The following C9orf85 variants were observed in gnomAD, a reference collection of about 807,000 sequenced individuals.
C9orf85 encodes the protein uncharacterized protein C9orf85.
A neutral mutation model predicts 14.9 loss-of-function variants in C9orf85; 16 were observed. The observed-to-expected ratio is 1.08, with a 90% CI of 0.73 to 1.63. C9orf85 has a LOEUF of 1.63. Ranked by LOEUF, C9orf85 falls within the 40% of genes most tolerant of loss-of-function variation. C9orf85 has a pLI of 0.00. For missense variants in C9orf85, 172 were observed against 186.1 expected (o/e 0.92, Z 0.44); for synonymous variants, 45 against 56.8 (o/e 0.79, Z 0.93).
chr9:71,964,664 ACACT>A (rs1483581495), intron 2 of C9orf85, among the ~76,000 whole-genome samples: 5 of 152,206 alleles, frequency 3.3e-5, no homozygotes, highest in African/African-American at 9.6e-5. Context: ...AAGAACTGTA[ACACT>A]CACCGCGAGG....
intron 1 of C9orf85, among the ~76,000 whole-genome samples, chr9:71,913,098 G>C (rs116333110): frequency 6.6e-6 from 1 of 152,102 alleles, no homozygotes; most frequent in Non-Finnish European, 1.5e-5. Flanking sequence ...GCCTTACTTT[G>C]GTCTCAAATG....
intron 1 of C9orf85, among the ~76,000 whole-genome samples, chr9:71,941,151 A>T (rs889430275): frequency 6.6e-6 from 1 of 152,216 alleles, no homozygotes; most frequent in African/African-American, 2.4e-5. Context: ...GATCTTTTTT[A>T]AAAAATTAAT....
intron 2 of C9orf85, among the ~76,000 whole-genome samples, chr9:71,947,739 G>A (rs1388373741): frequency 6.6e-6 from 1 of 152,006 alleles, no homozygotes; most frequent in African/African-American, 2.4e-5. Context: ...TGCCTCCCAG[G>A]TTTAAGCGAT....
chr9:71,950,165 T>C (rs530911984), intron 2 of C9orf85, among the ~76,000 whole-genome samples: 59 of 152,316 alleles, frequency 3.9e-4, no homozygotes, highest in African/African-American at 1.3e-3. Flanking sequence ...GAGAGTGTTA[T>C]AGAAAGTAAA....
intron 1 of C9orf85, among the ~76,000 whole-genome samples, chr9:71,939,178 T>TA (rs1355679341): frequency 2.0e-5 from 3 of 151,742 alleles, no homozygotes; most frequent in Non-Finnish European, 4.4e-5. Context: ...TAAAGTCCAG[T>TA]AAAAAATAAT....
At chr9:71,982,632 C>CTT (rs56038535) in intron 3 of C9orf85, 2,826 of 246,658 alleles carry the variant, frequency 0.011, no homozygotes, top group South Asian at 0.019. Flanking sequence ...TTGTATATTT[C>CTT]TTTTTTTTTT....
chr9:71,940,703 C>T (rs1821904988), intron 1 of C9orf85, among the ~76,000 whole-genome samples: 1 of 152,046 alleles, frequency 6.6e-6, no homozygotes, highest in Non-Finnish European at 1.5e-5. Context: ...TTCCATTATA[C>T]AACCCAAAAA....
At chr9:71,968,210 C>T (rs767525799) in intron 2 of C9orf85, among the ~76,000 whole-genome samples, 1 of 151,574 alleles carries the variant, frequency 6.6e-6, no homozygotes, top group Non-Finnish European at 1.5e-5. Flanking sequence ...AACATTTTGT[C>T]ATGGATTTTT....
At chr9:71,955,455 C>A (rs1031348387) in intron 2 of C9orf85, among the ~76,000 whole-genome samples, 3 of 151,968 alleles carry the variant, frequency 2.0e-5, no homozygotes, top group African/African-American at 7.3e-5. Flanking sequence ...AGGGAAGTGA[C>A]CTTTTTCTGT....
At chr9:71,934,895 A>G (rs1315079881) in intron 1 of C9orf85, among the ~76,000 whole-genome samples, 1 of 152,178 alleles carries the variant, frequency 6.6e-6, no homozygotes, top group African/African-American at 2.4e-5. Flanking sequence ...TATGCAGAAT[A>G]TATAATACTA....
intron 1 of C9orf85, among the ~76,000 whole-genome samples, chr9:71,921,933 T>C (rs1298645529): frequency 2.8e-5 from 4 of 143,004 alleles, no homozygotes; most frequent in Admixed American, 1.4e-4. Context: ...TTTTTTTTAT[T>C]ATTATTATTA....
At chr9:71,948,514 A>AT (rs1822159021) in intron 2 of C9orf85, among the ~76,000 whole-genome samples, 1 of 150,708 alleles carries the variant, frequency 6.6e-6, no homozygotes. Context: ...GTTTTATTTT[A>AT]TTTATTTATT....
At chr9:71,976,661 C>CA (rs1162481407), downstream of C9orf85, among the ~76,000 whole-genome samples, 1,287 of 104,900 alleles carry the variant, frequency 0.012, 14 homozygotes, top group African/African-American at 0.026. Context: ...GACTCCATCT[C>CA]AAAAAAAAAA....
chr9:71,933,365 G>A (rs1452069221), intron 1 of C9orf85, among the ~76,000 whole-genome samples: 1 of 152,182 alleles, frequency 6.6e-6, no homozygotes, highest in African/African-American at 2.4e-5. Context: ...GGCAGCAAGA[G>A]AGAAGTGACT....
At chr9:71,955,793 A>G (rs925110788) in intron 2 of C9orf85, among the ~76,000 whole-genome samples, 2 of 152,228 alleles carry the variant, frequency 1.3e-5, no homozygotes, top group African/African-American at 2.4e-5. Context: ...GAAACTGAGC[A>G]TACCACTCAC....
chr9:71,973,956 C>T (rs1219934649), downstream of C9orf85, among the ~76,000 whole-genome samples: 1 of 148,906 alleles, frequency 6.7e-6, no homozygotes, highest in African/African-American at 2.5e-5. Flanking sequence ...GACAGAGTTT[C>T]ACTCTTGTTG....
chr9:71,966,668 T>C (rs564097377), intron 2 of C9orf85, among the ~76,000 whole-genome samples: 1 of 152,278 alleles, frequency 6.6e-6, no homozygotes, highest in South Asian at 2.1e-4. Context: ...TTGTATCATC[T>C]TGATGTTACA....
At position 71,955,129 on chromosome 9, in the gene C9orf85, T is replaced by C. The variant is rs77414799; in HGVS notation, c.209+8017T>C. Among the ~76,000 whole-genome samples the C allele has an allele frequency of 7.1e-3, 1,082 of 152,270 alleles. 17 individuals are homozygous for C. Among genetic ancestry groups the C allele is most frequent in the African/African-American group, 0.024 (1,013 of 41,550 alleles). On this transcript the variant is annotated intron_variant, in intron 2 of 3. Transcript: ENST00000334731. ...ACAAATTAGTGGACAGAGAGATATA[T>C]TGGCCAGTTTATGGTTAAATTCATG...
In C9orf85 at chr9:71,967,260, ATTGT is replaced by A. The variant is rs1218410232; in HGVS notation, c.210-4239_210-4236del. On this transcript the variant is annotated intron_variant, in intron 2 of 3. Coordinates refer to ENST00000334731, the MANE Select transcript of C9orf85 (RefSeq NM_182505.5). ...TTTAGGGATAGTCAGTTTTTCCAAC[ATTGT>A]TTGTTGAAAAGACTGTCTTTTCTCT... Among the ~76,000 whole-genome samples, 4 of 152,264 alleles carry A rather than the reference ATTGT, an allele frequency of 2.6e-5. No individual in the cohort carries two copies. The East Asian group carries it at 5.8e-4, about 22-fold the overall frequency.
Sources: gnomAD v4.1 joint callset for allele counts (sites outside exome capture counted in the v4.1 genomes callset) on GRCh38, gnomAD v4.1.1 for gene constraint, MANE v1.5 for transcripts, NCBI Gene and HGNC (gene_info 2026-07-23, HGNC 2026-07-21) for gene names.